DPP10: variants seen among roughly 807,000 people sequenced by gnomAD.
DPP10 encodes the protein dipeptidyl peptidase like 10.
Under a neutral mutation model 120.9 loss-of-function variants are expected in DPP10, and 33 were observed. The ratio of observed to expected loss-of-function variants is 0.27; its 90% CI spans 0.21 to 0.37. The LOEUF (loss-of-function observed/expected upper bound fraction) is 0.37, where lower values mean the gene tolerates loss of function less well. DPP10 is among the 10% of genes least tolerant of loss of function. DPP10 has a pLI of 1.00. For synonymous variants in DPP10, 337 were observed against 326.1 expected (o/e 1.03, Z -0.36); for missense variants, 816 against 942.8 (o/e 0.87, Z 1.76).
chr2:114,715,364 G>A (rs939360819), intron 1 of DPP10, among the ~76,000 whole-genome samples: 3 of 151,904 alleles, frequency 2.0e-5, no homozygotes, highest in Non-Finnish European at 4.4e-5. Context: ...TACTTTATTC[G>A]TTGAAGAGGT....
chr2:115,613,731 G>A (rs897439504), intron 5 of DPP10, among the ~76,000 whole-genome samples: 1 of 152,194 alleles, frequency 6.6e-6, no homozygotes, highest in African/African-American at 2.4e-5. Context: ...CTCAGTTCAT[G>A]TTCCAGCAAA....
chr2:114,938,910 T>A (rs1234810223), intron 1 of DPP10, among the ~76,000 whole-genome samples: 1 of 152,084 alleles, frequency 6.6e-6, no homozygotes, highest in Non-Finnish European at 1.5e-5. Context: ...TGGGGAGAGA[T>A]TTCTAGCTTT....
intron 17 of DPP10, among the ~76,000 whole-genome samples, chr2:115,785,789 T>G (rs2149887847): frequency 6.6e-6 from 1 of 152,134 alleles, no homozygotes; most frequent in South Asian, 2.1e-4. Context: ...CAACTTTTGG[T>G]TTTTATGCTT....
At chr2:115,080,490 A>C (rs746344445) in intron 1 of DPP10, among the ~76,000 whole-genome samples, 2 of 152,304 alleles carry the variant, frequency 1.3e-5, no homozygotes, top group East Asian at 1.9e-4. Context: ...CTAGTCCACT[A>C]TCTTATTCTG....
chr2:115,164,263 T>G (rs892250994), intron 1 of DPP10, among the ~76,000 whole-genome samples: 1 of 152,016 alleles, frequency 6.6e-6, no homozygotes, highest in African/African-American at 2.4e-5. Flanking sequence ...TATGAAACGA[T>G]GGAAAAAGAA....
At chr2:114,527,700 G>A (rs1315873084) in intron 1 of DPP10, among the ~76,000 whole-genome samples, 2 of 152,030 alleles carry the variant, frequency 1.3e-5, no homozygotes, top group Non-Finnish European at 2.9e-5. Context: ...GTTGTTAGGC[G>A]ATTTTGTCAT....
At chr2:114,573,775 G>A (rs1402156203) in intron 1 of DPP10, among the ~76,000 whole-genome samples, 2 of 152,168 alleles carry the variant, frequency 1.3e-5, no homozygotes, top group Admixed American at 1.3e-4. Flanking sequence ...CTAACTGATT[G>A]ATAGGATGGG....
intron 1 of DPP10, among the ~76,000 whole-genome samples, chr2:114,883,986 G>C (rs1195290322): frequency 6.6e-6 from 1 of 152,108 alleles, no homozygotes; most frequent in Non-Finnish European, 1.5e-5. Flanking sequence ...AGAAATACTG[G>C]AGCCATTTTT....
intron 1 of DPP10, among the ~76,000 whole-genome samples, chr2:114,724,070 G>A (rs1247345919): frequency 6.6e-6 from 1 of 152,166 alleles, no homozygotes; most frequent in Non-Finnish European, 1.5e-5. Flanking sequence ...TTTATACCAA[G>A]TCACTGATGT....
At position 114,450,411 on chromosome 2, in the gene DPP10, A is replaced by G. The variant is rs1241577953; in HGVS notation, c.60+7573A>G. On this transcript the variant is annotated intron_variant, in intron 1 of 25. Transcript: ENST00000410059. ...TTCCATGTGAGTCTCTCTACGAGCT[A>G]TTAAAGTGCTCTGATTTTTTTTTTT... is the stretch of plus-strand genomic sequence containing the variant. Among the ~76,000 whole-genome samples the G allele has an allele frequency of 2.0e-5, 3 of 151,944 alleles. 1 individual carries two copies. In the East Asian group the frequency reaches 5.8e-4, roughly 29 times the overall value.
chr2:114,938,392 C>A (rs1034935597), intron 1 of DPP10, among the ~76,000 whole-genome samples: 3 of 151,930 alleles, frequency 2.0e-5, no homozygotes, highest in Non-Finnish European at 4.4e-5. Context: ...TTTATATACG[C>A]CACTGGTCAT....
chr2:114,968,254 T>C (rs560703007), intron 1 of DPP10, among the ~76,000 whole-genome samples: 3 of 152,326 alleles, frequency 2.0e-5, no homozygotes, highest in African/African-American at 7.2e-5. Context: ...TATCTTGCTA[T>C]ACAGGCAGAA....
chr2:114,978,642 A>G (rs779520503), intron 1 of DPP10, among the ~76,000 whole-genome samples: 35 of 152,158 alleles, frequency 2.3e-4, no homozygotes, highest in Non-Finnish European at 3.2e-4. Context: ...TCTTGTGATA[A>G]TAATAGAATC....
intron 1 of DPP10, among the ~76,000 whole-genome samples, chr2:115,231,732 T>G (rs1384805954): frequency 6.6e-6 from 1 of 152,202 alleles, no homozygotes; most frequent in Non-Finnish European, 1.5e-5. Context: ...AGTAGCGATA[T>G]ATGAAAGAAA....
chr2:114,711,870 A>T (rs1449029392), intron 1 of DPP10, among the ~76,000 whole-genome samples: 1 of 152,234 alleles, frequency 6.6e-6, no homozygotes, highest in Non-Finnish European at 1.5e-5. Context: ...AATTAACTTC[A>T]TGTATACAAG....
chr2:114,807,833 A>AT (rs1471718202), intron 1 of DPP10, among the ~76,000 whole-genome samples: 1 of 152,200 alleles, frequency 6.6e-6, no homozygotes, highest in African/African-American at 2.4e-5. Flanking sequence ...TCTCTGCTTC[A>AT]TAAAGCCTGG....
At chr2:115,245,922 T>C (rs2058513261) in intron 1 of DPP10, among the ~76,000 whole-genome samples, 1 of 152,144 alleles carries the variant, frequency 6.6e-6, no homozygotes, top group Non-Finnish European at 1.5e-5. Context: ...CAGACGCAGC[T>C]TGTACATTTT....
chr2:115,118,270 C>T (rs1408938684), intron 1 of DPP10, among the ~76,000 whole-genome samples: 1 of 152,118 alleles, frequency 6.6e-6, no homozygotes, highest in Non-Finnish European at 1.5e-5. Context: ...TAGTCTGAAC[C>T]AATATTATCT....
chr2:114,820,410 T>C (rs922574761), intron 1 of DPP10, among the ~76,000 whole-genome samples: 5 of 152,214 alleles, frequency 3.3e-5, no homozygotes, highest in African/African-American at 1.2e-4. Flanking sequence ...ATACACTTCC[T>C]ACTCAACAGG....
Sources: gnomAD v4.1 joint callset for allele counts (sites outside exome capture counted in the v4.1 genomes callset) on GRCh38, gnomAD v4.1.1 for gene constraint, MANE v1.5 for transcripts, NCBI Gene and HGNC (gene_info 2026-07-23, HGNC 2026-07-21) for gene names.